Variants in TOP3B observed in about 807,000 individuals in gnomAD.
TOP3B encodes the protein DNA topoisomerase 3-beta-1.
Under a neutral mutation model 93.9 loss-of-function variants are expected in TOP3B, and 45 were observed. The observed-to-expected ratio is 0.48, with a 90% confidence interval of 0.38 to 0.61. The LOEUF (loss-of-function observed/expected upper bound fraction) is 0.61. Among genes scored for constraint, TOP3B ranks in the 20% least tolerant of loss-of-function variants. The pLI, the probability that TOP3B is intolerant of heterozygous loss-of-function variation, is 0.00. For missense variants in TOP3B, 750 were observed against 1,156.1 expected (o/e 0.65, Z 5.09); for synonymous variants, 357 against 472.6 (o/e 0.76, Z 3.17).
intron 1 of TOP3B, 159 bp from the exon 2 acceptor site, chr22:21,975,966 A>G (rs1048651158): frequency 8.6e-6 from 3 of 348,410 alleles, no homozygotes; most frequent in Non-Finnish European, 1.4e-5. Context: ...GAGATTAAAA[A>G]CAAGAAAAAA....
chr22:21,965,228 A>T, intron 9 of TOP3B, 57 bp downstream of exon 9: 1 of 1,374,250 alleles, frequency 7.3e-7, no homozygotes, highest in Non-Finnish European at 9.9e-7. Flanking sequence ...TCGCTGCTCC[A>T]GGCTGAACCT....
chr22:21,977,695 A>T (rs1029265926), intron 1 of TOP3B: 6 of 152,188 alleles, frequency 3.9e-5, no homozygotes, highest in Admixed American at 2.6e-4. Flanking sequence ...AGATGAGGGC[A>T]TGGGGAAGTT....
chr22:21,967,221 T>C (rs1460282509), intron 8 of TOP3B: 1 of 186,028 alleles, frequency 5.4e-6, no homozygotes, highest in Non-Finnish European at 1.1e-5. Context: ...AGCTGTGACC[T>C]TGGGCAAGTT....
At chr22:21,960,603 C>A (rs1054501189) in intron 13 of TOP3B, 154 bp from the exon 14 acceptor site, 94 of 996,112 alleles carry the variant, frequency 9.4e-5, no homozygotes, top group Non-Finnish European at 1.2e-4. Flanking sequence ...TCCCCCTGCA[C>A]TGTGCTGGGC....
At chr22:21,967,827 C>A (rs1264964827) in intron 7 of TOP3B, 111 bp from the exon 8 acceptor site, 8 of 797,770 alleles carry the variant, frequency 1.0e-5, no homozygotes, top group Middle Eastern at 4.5e-4. Flanking sequence ...AGCCAAATAG[C>A]CCTGGCTGTA....
chr22:21,975,620 G>A lies in TOP3B; in HGVS notation c.70+20C>T. ...TAAACGACCGTGCTTACAGACCAAA[G>A]CAGGGCTGGTCTCTCCTACCTCTAG... On this transcript the variant is annotated intron_variant, in intron 2 of 17. Coordinates refer to ENST00000357179, the MANE Select transcript of TOP3B (RefSeq NM_001282112.2). 2 of 1,600,136 alleles carry A rather than the reference G, an allele frequency of 1.2e-6. No homozygotes were observed. The highest frequency in any genetic ancestry group is 1.7e-6 in the Non-Finnish European group (2 of 1,170,276).
At chr22:21,959,033 G>A in intron 16 of TOP3B, 99 bp downstream of exon 16, 6 of 1,514,122 alleles carry the variant, frequency 4.0e-6, no homozygotes, top group Admixed American at 2.0e-5. Context: ...ATTCTTTTGT[G>A]ACAACCAGGA....
chr22:21,974,019 C>T (rs6000377), intron 3 of TOP3B: 4,587 of 176,090 alleles, frequency 0.026, 218 homozygotes, highest in African/African-American at 0.1. Flanking sequence ...CGACAGATGA[C>T]GGTCAACTTG....
chr22:21,974,592 T>G (rs1472763046), intron 2 of TOP3B, 104 bp from the exon 3 acceptor site: 18 of 1,311,802 alleles, frequency 1.4e-5, no homozygotes, highest in Non-Finnish European at 1.9e-5. Flanking sequence ...GAGTCCTCCT[T>G]CCCCAGAGTG....
Position 21,958,662 on chromosome 22 carries a change from C to G in TOP3B, c.1937G>C (p.Cys646Ser). ...CTGGGGGAGCGTGTAGGTCTCATCG[C>G]AGTGGGAGCAGTGCAGGCGGCTTGG... Reference protein sequence around the residue: ...AKPSRLHCSHCDETYTLPQNG... With the variant: ...AKPSRLHCSHSDETYTLPQNG... Residue 646 changes from cysteine (C) to serine (S), a missense_variant, in exon 17 of 18, where the codon TGC becomes TCC. Transcript: ENST00000357179. 1 of 1,608,260 alleles carries G rather than the reference C, an allele frequency of 6.2e-7. No homozygotes were observed. The highest frequency in any genetic ancestry group is 8.5e-7 in the Non-Finnish European group (1 of 1,176,690).
Position 21,963,899 on chromosome 22 carries a change from C to T in TOP3B, c.1204+24G>A, listed in dbSNP as rs370411145. The stretch of plus-strand genomic sequence containing the variant: ...TCGCCCTTCCCTCCCTGGAAGCACA[C>T]CGGGTATGGGATGAGAGCGGTACCT... On this transcript the variant is annotated intron_variant, in intron 11 of 17. Coordinates refer to ENST00000357179, the MANE Select transcript of TOP3B (RefSeq NM_001282112.2). The surrounding 1 kb of genome is among the most constrained non-coding windows in gnomAD (Gnocchi z 4.8). The T allele has an allele frequency of 1.2e-5, 20 of 1,610,934 alleles. No homozygotes were observed. Among genetic ancestry groups the T allele is most frequent in the Non-Finnish European group, 1.6e-5 (19 of 1,178,314 alleles).
intron 1 of TOP3B, chr22:21,977,567 A>T (rs2071929911): frequency 6.6e-6 from 1 of 150,660 alleles, no homozygotes; most frequent in South Asian, 2.1e-4. Flanking sequence ...GAAAACCACC[A>T]CGTAAGTACC....
intron 7 of TOP3B, 135 bp from the exon 8 acceptor site, chr22:21,967,851 G>A: frequency 1.5e-6 from 1 of 664,404 alleles, no homozygotes; most frequent in Non-Finnish European, 2.6e-6. Flanking sequence ...GCTCACAGCT[G>A]TACCTGTTCA....
chr22:21,976,757 C>T (rs1293043221), intron 1 of TOP3B: 1 of 152,194 alleles, frequency 6.6e-6, no homozygotes, highest in Non-Finnish European at 1.5e-5. Flanking sequence ...TCAATACCTG[C>T]TAGCCAAGTA....
At chr22:21,958,827 G>T in intron 16 of TOP3B, 134 bp from the exon 17 acceptor site, 1 of 1,386,578 alleles carries the variant, frequency 7.2e-7, no homozygotes, top group Non-Finnish European at 9.5e-7. Flanking sequence ...CAAGGAGCAT[G>T]AGTCTCTGGC....
intron 7 of TOP3B, 100 bp downstream of exon 7, chr22:21,968,519 C>T (rs2071502805): frequency 6.7e-7 from 1 of 1,483,730 alleles, no homozygotes; most frequent in Non-Finnish European, 9.2e-7. Flanking sequence ...CACACTTCTG[C>T]CCTCAGCCCG....
In TOP3B at chr22:21,958,176, C is replaced by T. The variant is rs938777328; in HGVS notation, c.2107+316G>A. Reference sequence around the variant, plus strand: ...GTGGTGGACGCTGACTGGGGGTGCCCGCTCACCGGGTGGGTCCCCCGACTG... The same window carrying T: ...GTGGTGGACGCTGACTGGGGGTGCCTGCTCACCGGGTGGGTCCCCCGACTG... On this transcript the variant is annotated intron_variant, in intron 17 of 17. Coordinates refer to ENST00000357179, the MANE Select transcript of TOP3B (RefSeq NM_001282112.2). The T allele has an allele frequency of 1.4e-5, 18 of 1,273,172 alleles. No individual in the cohort carries two copies. In the Admixed American group the frequency reaches 1.5e-4, roughly 11 times the overall value. 78.9% of individuals were successfully genotyped at this position (1,273,172 alleles called of 1,614,324 possible). A position where few individuals can be genotyped will look rare whatever the true frequency, so the allele number is the denominator to read the frequency against.
chr22:21,971,094 T>C lies in TOP3B; in HGVS notation c.385-688A>G, dbSNP rs2071619181. The C allele has an allele frequency of 1.5e-6, 2 of 1,293,304 alleles. No homozygotes were observed. Among genetic ancestry groups the C allele is most frequent in the South Asian group, 1.2e-5 (1 of 80,640 alleles). 80.1% of individuals were successfully genotyped at this position (1,293,304 alleles called of 1,614,324 possible). On this transcript the variant is annotated intron_variant, in intron 5 of 17. Coordinates refer to ENST00000357179, the MANE Select transcript of TOP3B (RefSeq NM_001282112.2). The surrounding 1 kb of genome is among the most constrained non-coding windows in gnomAD (Gnocchi z 4.6). Reference sequence around the variant, plus strand: ...GAGAAAGCCCCATGAGCTGCCCCCATTCTCCATTCCCAGATGCAAAGGCCC... The same window carrying C: ...GAGAAAGCCCCATGAGCTGCCCCCACTCTCCATTCCCAGATGCAAAGGCCC...
chr22:21,973,059 G>T (rs1389144837), intron 3 of TOP3B: 2 of 369,276 alleles, frequency 5.4e-6, no homozygotes, highest in Non-Finnish European at 1.0e-5. Context: ...GGGTCTCTTT[G>T]CCTGAGCACT....
Sources: gnomAD v4.1 joint callset for allele counts on GRCh38, gnomAD v4.1.1 for gene constraint, Gnocchi (gnomAD v3.1) non-coding constraint, MANE v1.5 for transcripts, NCBI Gene and HGNC (gene_info 2026-07-23, HGNC 2026-07-21) for gene names.